The following MYBPHL variants were observed in gnomAD, a reference collection of about 807,000 sequenced individuals.
The protein encoded by MYBPHL is myosin binding protein H like.
MYBPHL carries 32 observed loss-of-function variants against 39.5 expected under a neutral mutation model. The ratio of observed to expected loss-of-function variants is 0.81; its 90% confidence interval spans 0.61 to 1.09. MYBPHL has a LOEUF of 1.09. Ranked by LOEUF, MYBPHL falls within the 50% of genes least tolerant of loss-of-function variation. MYBPHL has a pLI of 0.00. For missense variants in MYBPHL, 456 were observed against 460.2 expected, an observed-to-expected ratio of 0.99 and a Z score of 0.08; for synonymous variants, 196 against 183.7, an observed-to-expected ratio of 1.07 and a Z score of -0.54.
Position 109,295,204 on chromosome 1 carries a change from G to A in MYBPHL, c.961C>T (p.Arg321Cys), listed in dbSNP as rs187060263. Reference protein sequence around the residue: ...THLGICSLEIRKPGPFDGGIY... With the variant: ...THLGICSLEICKPGPFDGGIY... ...CCTCCATCAAAGGGACCCGGCTTGC[G>A]GATCTCTAGGGAGCAGATTCCCAGG... Residue 321 changes from arginine to cysteine, a missense_variant, in exon 7 of 9, where the codon CGC (arginine) becomes TGC (cysteine). By Grantham distance (180) the Arg-to-Cys change is radical. Transcript: ENST00000357155. 375 of 1,614,150 alleles carry A rather than the reference G, an allele frequency of 2.3e-4. 2 individuals carry two copies. Among genetic ancestry groups the A allele is most frequent in the Non-Finnish European group, 2.9e-4 (342 of 1,180,014 alleles).
At chr1:109,299,882 C>A (rs1658223093) in intron 1 of MYBPHL, among the ~76,000 whole-genome samples, 1 of 152,112 alleles carries the variant, frequency 6.6e-6, no homozygotes, top group South Asian at 2.1e-4. Context: ...ACAGAAGAAG[C>A]GTTTGTGTGA....
intron 1 of MYBPHL, among the ~76,000 whole-genome samples, chr1:109,300,495 C>CT (rs1402635134): frequency 2.6e-5 from 4 of 152,328 alleles, no homozygotes; most frequent in Middle Eastern, 3.4e-3. Flanking sequence ...TGAGCCCCGC[C>CT]CTGCTGAGAC....
chr1:109,297,343 A>G, intron 3 of MYBPHL, 79 bp downstream of exon 3: 1 of 1,559,082 alleles, frequency 6.4e-7, no homozygotes, highest in Non-Finnish European at 8.7e-7. Flanking sequence ...CAGCTTCCCC[A>G]GCTCTCTGAG....
intron 1 of MYBPHL, among the ~76,000 whole-genome samples, chr1:109,300,064 T>TGATGGGGAGAGG (rs1658228588): frequency 6.6e-6 from 1 of 152,180 alleles, no homozygotes; most frequent in Admixed American, 6.5e-5. Context: ...TTTCTACATT[T>TGATGGGGAGAGG]GCTGGGGAGA....
Position 109,298,197 on chromosome 1 carries a change from T to C in MYBPHL, c.206A>G (p.Asp69Gly), listed in dbSNP as rs1658154664. 2 of 1,610,334 alleles carry C rather than the reference T, an allele frequency of 1.2e-6. No individual in the cohort carries two copies. Among genetic ancestry groups the C allele is most frequent in the Non-Finnish European group, 1.7e-6 (2 of 1,178,454 alleles). The change falls in exon 2 of 9, where the codon GAC becomes GGC. Residue 69 changes from aspartate to glycine, a missense_variant. Physicochemically the swap from Asp to Gly is moderately conservative, Grantham distance 94. Transcript: ENST00000357155. ...GAATGGGATTAGTAGGTTCACTGTG[T>C]CCCCAACCTTCCGGATGTAGGTCTG... ...LRQTYIRKVG[D>G]TVNLLIPFQG...
At position 109,296,901 on chromosome 1, in the gene MYBPHL, G is replaced by A; in HGVS notation, c.612C>T (p.Cys204=). ...TGCCGATGATGAGGTCAGAGACGAT[G>A]CAGCTGGTGCGGTGATAGTGCTCCA... ...TVLEHYHRTS[C]IVSDLIIGNS... is the part of the protein sequence containing the mutation. The change falls in exon 5 of 9, where the codon TGC becomes TGT. Residue 204 remains cysteine, a synonymous_variant. Transcript: ENST00000357155. 6.2e-7 allele frequency: 1 copy of A among 1,614,184 alleles called. No homozygotes were observed. The highest frequency in any genetic ancestry group is 8.5e-7 in the Non-Finnish European group (1 of 1,180,032).
rs1243134747 is a variant in MYBPHL at position 109,297,114 on chromosome 1, G to A, written c.506C>T (p.Pro169Leu). 1.2e-6 allele frequency: 2 copies of A among 1,613,988 alleles called. No homozygotes were observed. Among genetic ancestry groups the A allele is most frequent in the Non-Finnish European group, 8.5e-7 (1 of 1,180,032 alleles). Residue 169 changes from proline (P) to leucine (L), a missense_variant, in exon 4 of 9, where the codon CCC becomes CTC. Physicochemically the swap from Pro to Leu is moderately conservative, Grantham distance 98 (BLOSUM62 -3). Transcript: ENST00000357155. ...AAGTGCTGTATTCCCCGTATCTTGG[G>A]GCGGTGTCCATTCCAGTGTAGCGCT... ...GFSATLEWTP[P>L]QDTGNTALLG...
chr1:109,300,455 C>A (rs1451174434), intron 1 of MYBPHL, among the ~76,000 whole-genome samples: 1 of 152,212 alleles, frequency 6.6e-6, no homozygotes, highest in Non-Finnish European at 1.5e-5. Context: ...GAGAGGAACC[C>A]AGGCCTTCAT....
Position 109,296,113 on chromosome 1 carries a change from A to G in MYBPHL, c.867+121T>C, listed in dbSNP as rs1462887927. 4.0e-6 allele frequency: 5 copies of G among 1,258,640 alleles called. No homozygotes were observed. In the Admixed American group the frequency reaches 6.8e-5, roughly 17 times the overall value. 78.0% of individuals were successfully genotyped at this position (1,258,640 alleles called of 1,614,324 possible). ...CTGTTCCTAAATACCGTGCTGTAGAAGAGGCAGATGGCGGTGATGGTAACA... is the reference window on the plus strand; with the variant it reads ...CTGTTCCTAAATACCGTGCTGTAGAGGAGGCAGATGGCGGTGATGGTAACA... On this transcript the variant is annotated intron_variant, in intron 6 of 8. Transcript: ENST00000357155.
chr1:109,294,160 T>G, intron 8 of MYBPHL, 46 bp downstream of exon 8: 1 of 1,296,444 alleles, frequency 7.7e-7, no homozygotes, highest in Non-Finnish European at 1.1e-6. Context: ...ACACTAGCCA[T>G]AAACAGGAAG....
Position 109,297,552 on chromosome 1 carries a change from A to G in MYBPHL, c.300T>C (p.Ser100=), listed in dbSNP as rs1349689549. ...TGGAGTCTTGCTCCCCATTCCGCAC[A>G]CTCACACGCCTGGTGTCCAAGGCAC... ...DGCALDTRRV[S]VRNGEQDSIL... is the part of the protein sequence containing the mutation. Residue 100 remains serine, a synonymous_variant, in exon 3 of 9, where the codon AGT becomes AGC. Transcript: ENST00000357155. 15 of 1,613,416 alleles carry G rather than the reference A, an allele frequency of 9.3e-6. No individual in the cohort carries two copies. Among genetic ancestry groups the G allele is most frequent in the Non-Finnish European group, 1.3e-5 (15 of 1,179,948 alleles).
At chr1:109,297,678 T>C (rs1169009607) in intron 2 of MYBPHL, 61 bp from the exon 3 acceptor site, 28 of 1,459,442 alleles carry the variant, frequency 1.9e-5, no homozygotes, top group Non-Finnish European at 2.5e-5. Context: ...TCCCTGCTGC[T>C]GTAGGGGTCC....
In MYBPHL at chr1:109,296,217, C is replaced by A; in HGVS notation, c.867+17G>T. The A allele has an allele frequency of 1.2e-6, 2 of 1,612,110 alleles. No individual in the cohort carries two copies. Among genetic ancestry groups the A allele is most frequent in the Non-Finnish European group, 1.7e-6 (2 of 1,179,532 alleles). ...AAGAAGCAGCTCAGCACAGTGCCCC[C>A]CAGAGCCCCCACTCACCCGGGGAGA... On this transcript the variant is annotated intron_variant, in intron 6 of 8. Transcript: ENST00000357155.
chr1:109,300,200 T>C (rs1658232536), intron 1 of MYBPHL, among the ~76,000 whole-genome samples: 1 of 152,156 alleles, frequency 6.6e-6, no homozygotes, highest in Non-Finnish European at 1.5e-5. Flanking sequence ...AAGAAGCCGG[T>C]ATTCTGGAGA....
chr1:109,305,275 G>A (rs1289364881), intron 1 of MYBPHL, among the ~76,000 whole-genome samples: 2 of 152,224 alleles, frequency 1.3e-5, no homozygotes, highest in Non-Finnish European at 2.9e-5. Flanking sequence ...TTGAACTCAT[G>A]ACTTCTTTGT....
At chr1:109,296,560 T>A (rs1658071615) in intron 5 of MYBPHL, among the ~76,000 whole-genome samples, 190 bp from the exon 6 acceptor site, 1 of 151,844 alleles carries the variant, frequency 6.6e-6, no homozygotes, top group African/African-American at 2.4e-5. Flanking sequence ...TGCCTTAGCC[T>A]CCTGAGTAGC....
In MYBPHL at chr1:109,296,810, T is replaced by C. The variant is rs762448870; in HGVS notation, c.703A>G (p.Thr235Ala). The C allele has an allele frequency of 6.2e-6, 10 of 1,614,070 alleles. No homozygotes were observed. In the South Asian group the frequency reaches 9.9e-5, roughly 16 times the overall value. ...CGLSETAPIT[T>A]DLAHIQKAAT... ...GCTTTCTGGATGTGGGCGAGGTCCG[T>C]AGTGATGGGGGCTGTTTCACTGAGT... The change falls in exon 5 of 9, where the codon ACG (threonine) becomes GCG (alanine). Residue 235 changes from threonine to alanine, a missense_variant. Transcript: ENST00000357155.
intron 1 of MYBPHL, among the ~76,000 whole-genome samples, chr1:109,306,115 T>G (rs559941870): frequency 4.0e-4 from 61 of 152,342 alleles, no homozygotes; most frequent in African/African-American, 1.4e-3. Context: ...TTGTGGTCTT[T>G]TCATCCTCTT....
chr1:109,299,602 T>C (rs531207534), intron 1 of MYBPHL, among the ~76,000 whole-genome samples: 3 of 152,360 alleles, frequency 2.0e-5, no homozygotes, highest in Admixed American at 2.0e-4. Context: ...TGAAGATCAA[T>C]GGCAATGTAC....
Sources: gnomAD v4.1 joint callset for allele counts (sites outside exome capture counted in the v4.1 genomes callset) on GRCh38, gnomAD v4.1.1 for gene constraint, MANE v1.5 for transcripts, NCBI Gene and HGNC (gene_info 2026-07-23, HGNC 2026-07-21) for gene names.